The following LAMB4 variants were observed in gnomAD, a reference collection of about 807,000 sequenced individuals.
LAMB4 encodes the protein laminin subunit beta-4.
Under a neutral mutation model 199.2 loss-of-function variants are expected in LAMB4, and 196 were observed. The ratio of observed to expected loss-of-function variants is 0.98; its 90% CI spans 0.88 to 1.11. The LOEUF (loss-of-function observed/expected upper bound fraction) is 1.11, where lower values mean the gene tolerates loss of function less well. Ranked by LOEUF, LAMB4 falls within the 50% of genes least tolerant of loss-of-function variation. The pLI, the probability that LAMB4 is intolerant of heterozygous loss-of-function variation, is 0.00. For missense variants in LAMB4, 2,080 were observed against 2,171.2 expected (o/e 0.96, Z 0.83); for synonymous variants, 744 against 770.6 (o/e 0.97, Z 0.57).
At chr7:108,025,166 G>T (rs1366714390) in intron 33 of LAMB4, among the ~76,000 whole-genome samples, 1 of 152,194 alleles carries the variant, frequency 6.6e-6, no homozygotes, top group African/African-American at 2.4e-5. Context: ...TGCCGTGGCT[G>T]TTTTCAAGTA....
At chr7:108,066,781 C>T (rs1247501966) in intron 19 of LAMB4, among the ~76,000 whole-genome samples, 181 bp from the exon 20 acceptor site, 1 of 152,088 alleles carries the variant, frequency 6.6e-6, no homozygotes, top group Non-Finnish European at 1.5e-5. Flanking sequence ...TTCACTGAGT[C>T]ACTGGATAAA....
chr7:108,123,186 A>T lies in LAMB4; in HGVS notation c.-22T>A. ...GCATTCTTTTGTCAGGAGATGATTAAATTCAATTCTACTGGGTTAAAAAAA... is the reference window on the plus strand; with the variant it reads ...GCATTCTTTTGTCAGGAGATGATTATATTCAATTCTACTGGGTTAAAAAAA... On this transcript the variant is annotated 5_prime_UTR_variant, in exon 2 of 34. Transcript: ENST00000388781. The T allele has an allele frequency of 6.2e-7, 1 of 1,600,824 alleles. No individual in the cohort carries two copies.
downstream of LAMB4, among the ~76,000 whole-genome samples, chr7:108,019,490 CA>C (rs1326847708): frequency 2.0e-5 from 3 of 152,056 alleles, no homozygotes; most frequent in Non-Finnish European, 4.4e-5. Flanking sequence ...AATATATTCA[CA>C]GGTTCTTGAG....
chr7:108,124,421 A>G (rs1433971648), intron 1 of LAMB4, among the ~76,000 whole-genome samples: 5 of 152,104 alleles, frequency 3.3e-5, no homozygotes, highest in African/African-American at 7.2e-5. Context: ...GCCAAAGAGT[A>G]TATGTGTGTG....
Position 108,023,775 on chromosome 7 carries a change from TA to T in LAMB4, c.*263del. The T allele has an allele frequency of 3.9e-6, 1 of 254,128 alleles. No individual in the cohort carries two copies. The highest frequency in any genetic ancestry group is 7.4e-6 in the Non-Finnish European group (1 of 135,888). The allele number at this position is 254,128 out of a possible 1,614,324, so 15.7% of individuals were successfully genotyped here. On this transcript the variant is annotated 3_prime_UTR_variant, in exon 34 of 34. Transcript: ENST00000388781. ...CTTGTTATATGGAAACTGTTATTTT[TA>T]AGTTAGGAAAGAGAAAGGAAGGTAA...
chr7:108,051,009 T>C (rs2035810022), intron 26 of LAMB4, among the ~76,000 whole-genome samples: 1 of 152,232 alleles, frequency 6.6e-6, no homozygotes, highest in Non-Finnish European at 1.5e-5. Flanking sequence ...TGCCTGTTTC[T>C]ACTGCACAAT....
At chr7:108,084,304 T>C (rs1223892968) in intron 14 of LAMB4, among the ~76,000 whole-genome samples, 1 of 152,186 alleles carries the variant, frequency 6.6e-6, no homozygotes, top group Non-Finnish European at 1.5e-5. Context: ...CTGGAGAACC[T>C]GTGCCTGCAT....
intron 16 of LAMB4, among the ~76,000 whole-genome samples, chr7:108,077,956 T>C (rs2036768543): frequency 6.6e-6 from 1 of 152,214 alleles, no homozygotes; most frequent in South Asian, 2.1e-4. Context: ...AGTAAGTCTT[T>C]TAAGTACTCT....
chr7:108,106,638 T>G, intron 6 of LAMB4, 66 bp from the exon 7 acceptor site: 3 of 939,438 alleles, frequency 3.2e-6, no homozygotes, highest in Non-Finnish European at 4.8e-6. Flanking sequence ...AACACACTCT[T>G]TTTTTTTTTC....
intron 15 of LAMB4, 104 bp downstream of exon 15, chr7:108,079,497 A>G: frequency 2.0e-6 from 2 of 1,011,530 alleles, no homozygotes; most frequent in Non-Finnish European, 2.9e-6. Flanking sequence ...ACTTTTTACA[A>G]ATCCTTTTCT....
rs1486126486 is a variant in LAMB4, at chr7:108,049,315, T to A, written c.4122+11A>T. 2.1e-6 allele frequency: 3 copies of A among 1,421,122 alleles called. No homozygotes were observed. Among genetic ancestry groups the A allele is most frequent in the Admixed American group, 1.7e-5 (1 of 58,244 alleles). 88.0% of individuals were successfully genotyped at this position (1,421,122 alleles called of 1,614,324 possible). A position where few individuals can be genotyped will look rare whatever the true frequency, so the allele number is the denominator to read the frequency against. On this transcript the variant is annotated intron_variant, in intron 27 of 33. Coordinates refer to ENST00000388781, the MANE Select transcript of LAMB4 (RefSeq NM_007356.3). ...CACAAATGCTTTGACCTTACCATCA[T>A]GAATATTTACCTTTTCATTCAATAT...
At chr7:108,098,812 C>A (rs1052725169) in intron 10 of LAMB4, among the ~76,000 whole-genome samples, 1 of 152,056 alleles carries the variant, frequency 6.6e-6, no homozygotes, top group South Asian at 2.1e-4. Flanking sequence ...TTAAATGATT[C>A]GAAAGTCAGA....
chr7:108,061,975 C>T (rs1422874871), intron 23 of LAMB4, among the ~76,000 whole-genome samples: 1 of 152,070 alleles, frequency 6.6e-6, no homozygotes, highest in Non-Finnish European at 1.5e-5. Context: ...AAATCCTGAT[C>T]CCTATATTGT....
chr7:108,107,504 T>C (rs1476442086), intron 6 of LAMB4, 127 bp downstream of exon 6: 4 of 685,380 alleles, frequency 5.8e-6, no homozygotes, highest in South Asian at 2.0e-5. Flanking sequence ...TTAGACACTT[T>C]CATTTTCAAA....
intron 14 of LAMB4, among the ~76,000 whole-genome samples, chr7:108,081,197 G>A (rs2036923564): frequency 6.6e-6 from 1 of 152,156 alleles, no homozygotes; most frequent in Non-Finnish European, 1.5e-5. Flanking sequence ...GCTGTTTGGT[G>A]CACCCATCCC....
intron 22 of LAMB4, 103 bp from the exon 23 acceptor site, chr7:108,063,097 G>A (rs1313785171): frequency 1.5e-6 from 1 of 651,854 alleles, no homozygotes; most frequent in Non-Finnish European, 2.5e-6. Context: ...ATTTCTCCAA[G>A]GGGCTCAAAG....
chr7:108,065,610 T>C, intron 21 of LAMB4, 152 bp downstream of exon 21: 1 of 511,016 alleles, frequency 2.0e-6, no homozygotes, highest in South Asian at 4.7e-5. Context: ...AAATTCTTTG[T>C]TCAATAAAGC....
chr7:108,072,882 A>G (rs1168420880), intron 17 of LAMB4, among the ~76,000 whole-genome samples: 1 of 152,174 alleles, frequency 6.6e-6, no homozygotes, highest in East Asian at 1.9e-4. Flanking sequence ...AGAAAGCCAT[A>G]TGGGCTGGGG....
intron 32 of LAMB4, 24 bp from the exon 33 acceptor site, chr7:108,029,220 A>G (rs1448609445): frequency 1.2e-6 from 2 of 1,600,574 alleles, no homozygotes; most frequent in African/African-American, 1.3e-5. Context: ...CACTTGCATC[A>G]TGAGAAAATA....
Sources: gnomAD v4.1 joint callset for allele counts (sites outside exome capture counted in the v4.1 genomes callset) on GRCh38, gnomAD v4.1.1 for gene constraint, MANE v1.5 for transcripts, NCBI Gene and HGNC (gene_info 2026-07-23, HGNC 2026-07-21) for gene names.